PRKG2: variants seen among roughly 807,000 people sequenced by gnomAD.
PRKG2 encodes the protein cGMP-dependent protein kinase 2.
Under a neutral mutation model 97.2 loss-of-function variants are expected in PRKG2, and 33 were observed. The ratio of observed to expected loss-of-function variants is 0.34; its 90% CI spans 0.26 to 0.45. The LOEUF is 0.45. Ranked by LOEUF, PRKG2 falls within the 20% of genes least tolerant of loss-of-function variation. The probability of loss-of-function intolerance (pLI) is 1.00; values close to 1 mark genes in which losing one functional copy is unlikely to be tolerated. For synonymous variants in PRKG2, 330 were observed against 321.8 expected, an observed-to-expected ratio of 1.03 and a Z score of -0.27; for missense variants, 638 against 900.0, an observed-to-expected ratio of 0.71 and a Z score of 3.73.
chr4:81,192,469 T>A (rs537827044), intron 2 of PRKG2, among the ~76,000 whole-genome samples: 1 of 152,234 alleles, frequency 6.6e-6, no homozygotes, highest in East Asian at 1.9e-4. Flanking sequence ...AATCAGAAAA[T>A]CTTAGGTTGA....
At chr4:81,209,401 T>C (rs1327833396) in intron 1 of PRKG2, among the ~76,000 whole-genome samples, 1 of 152,118 alleles carries the variant, frequency 6.6e-6, no homozygotes, top group Non-Finnish European at 1.5e-5. Flanking sequence ...TATAGATGTG[T>C]GTGTATAGCT....
chr4:81,141,478 T>G (rs979709777), intron 11 of PRKG2, among the ~76,000 whole-genome samples: 6 of 152,200 alleles, frequency 3.9e-5, no homozygotes, highest in African/African-American at 1.2e-4. Context: ...AGCACAGATA[T>G]AAGACATTTC....
chr4:81,186,357 T>A (rs1019411843), intron 2 of PRKG2, among the ~76,000 whole-genome samples: 1 of 152,188 alleles, frequency 6.6e-6, no homozygotes, highest in African/African-American at 2.4e-5. Context: ...CTGAACAACC[T>A]GCTCCTGAAT....
chr4:81,174,686 T>C, intron 3 of PRKG2, 107 bp downstream of exon 3: 1 of 1,152,740 alleles, frequency 8.7e-7, no homozygotes, highest in Non-Finnish European at 1.2e-6. Context: ...CAATATGTTA[T>C]GTTTTCTACA....
intron 12 of PRKG2, 138 bp from the exon 13 acceptor site, chr4:81,137,620 T>G: frequency 1.5e-6 from 1 of 649,504 alleles, no homozygotes; most frequent in East Asian, 2.8e-5. Flanking sequence ...TACACTGGGC[T>G]TCTCGCCAAA....
At chr4:81,207,133 A>G (rs1239843371) in intron 1 of PRKG2, among the ~76,000 whole-genome samples, 2 of 152,216 alleles carry the variant, frequency 1.3e-5, no homozygotes, top group African/African-American at 2.4e-5. Context: ...ACCTTGAATA[A>G]GCAATTCAGA....
intron 2 of PRKG2, among the ~76,000 whole-genome samples, chr4:81,197,778 G>GA (rs201350802): frequency 5.4e-5 from 8 of 147,934 alleles, no homozygotes; most frequent in Non-Finnish European, 9.0e-5. Context: ...AAGAATTAGT[G>GA]AAAAAAAAAT....
intron 11 of PRKG2, 120 bp downstream of exon 11, chr4:81,142,674 T>C (rs566092951): frequency 2.4e-6 from 3 of 1,255,522 alleles, no homozygotes; most frequent in South Asian, 4.2e-5. Context: ...TCAATTTCAG[T>C]TCAAAGCAAC....
At chr4:81,113,374 T>C (rs1027649523) in intron 14 of PRKG2, among the ~76,000 whole-genome samples, 3 of 151,828 alleles carry the variant, frequency 2.0e-5, no homozygotes, top group African/African-American at 7.3e-5. Flanking sequence ...CCCCCCCTTT[T>C]TTTTCAAATT....
upstream of PRKG2, among the ~76,000 whole-genome samples, chr4:81,216,022 C>T (rs1754258417): frequency 6.6e-6 from 1 of 151,968 alleles, no homozygotes; most frequent in African/African-American, 2.4e-5. Flanking sequence ...GGAATTTCAC[C>T]AGCAAATTCA....
rs143805696 is a variant in PRKG2, at chr4:81,207,621, A to T, written c.-13-2561T>A. Among the ~76,000 whole-genome samples, 258 of 152,302 alleles carry T rather than the reference A, an allele frequency of 1.7e-3. 1 individual carries two copies. The highest frequency in any genetic ancestry group is 6.8e-3 in the Middle Eastern group (2 of 294). On this transcript the variant is annotated intron_variant, in intron 1 of 18. Transcript: ENST00000264399. ...CAATCCAATAATTTTACAAACTTGA[A>T]GCACAGTTAGGTAGAGGATGTTAAA...
At chr4:81,210,478 T>A (rs569248636) in intron 1 of PRKG2, among the ~76,000 whole-genome samples, 2 of 152,198 alleles carry the variant, frequency 1.3e-5, no homozygotes, top group African/African-American at 4.8e-5. Context: ...CATTAGGGAA[T>A]CTCAAATTTA....
intron 9 of PRKG2, among the ~76,000 whole-genome samples, chr4:81,144,779 C>T (rs1464308438): frequency 7.8e-6 from 1 of 128,818 alleles, no homozygotes; most frequent in African/African-American, 2.9e-5. Flanking sequence ...CATGACAGGC[C>T]CCGGTGTGTC....
At chr4:81,200,708 G>T (rs1354708469) in intron 2 of PRKG2, among the ~76,000 whole-genome samples, 3 of 152,052 alleles carry the variant, frequency 2.0e-5, no homozygotes, top group African/African-American at 7.2e-5. Flanking sequence ...TAGTAAGGGG[G>T]GTAGCATCAA....
At chr4:81,166,106 A>G (rs1336256966) in intron 6 of PRKG2, among the ~76,000 whole-genome samples, 1 of 152,150 alleles carries the variant, frequency 6.6e-6, no homozygotes, top group African/African-American at 2.4e-5. Context: ...CTGGGGCCAC[A>G]CGGCCAGGCA....
In PRKG2 at chr4:81,174,938, A is replaced by G; in HGVS notation, c.483T>C (p.Asp161=). 1.2e-6 allele frequency: 2 copies of G among 1,611,162 alleles called. No individual in the cohort carries two copies. Among genetic ancestry groups the G allele is most frequent in the Non-Finnish European group, 1.7e-6 (2 of 1,178,152 alleles). ...TCAGAAACTGATTTTTATTAAGGGCATCTGTAATGAGCTTCTTCTCACTGG... is the reference window on the plus strand; with the variant it reads ...TCAGAAACTGATTTTTATTAAGGGCGTCTGTAATGAGCTTCTTCTCACTGG... ...KDSSEKKLIT[D]ALNKNQFLKR... The change falls in exon 3 of 19, where the codon GAT becomes GAC. Residue 161 remains aspartate, a synonymous_variant. Coordinates refer to ENST00000264399, the MANE Select transcript of PRKG2 (RefSeq NM_006259.3).
intron 17 of PRKG2, among the ~76,000 whole-genome samples, chr4:81,094,945 TAG>T (rs1392074704): frequency 1.3e-5 from 2 of 152,156 alleles, no homozygotes; most frequent in Admixed American, 1.3e-4. Context: ...CTGGCTGCTT[TAG>T]AGATAAAGAA....
At position 81,189,066 on chromosome 4, in the gene PRKG2, T is replaced by TAAAAAAAAAAAAAAAAAA; in HGVS notation, c.462-14125_462-14108dup. 9.4e-4 allele frequency among the ~76,000 whole-genome samples: 16 copies of TAAAAAAAAAAAAAAAAAA among 17,056 alleles called. 2 individuals are homozygous for TAAAAAAAAAAAAAAAAAA. Among genetic ancestry groups the TAAAAAAAAAAAAAAAAAA allele is most frequent in the Admixed American group, 1.2e-3 (1 of 846 alleles). 11.2% of individuals were successfully genotyped at this position (17,056 alleles called of 152,430 possible). On this transcript the variant is annotated intron_variant, in intron 2 of 18. Transcript: ENST00000264399. ...AAAAAAAAAAGATTAAAAAAAATAA[T>TAAAAAAAAAAAAAAAAAA]AAAAAAAAAAAAAAAAAAAAAAAAA...
chr4:81,200,666 A>C (rs1296405819), intron 2 of PRKG2, among the ~76,000 whole-genome samples: 1 of 152,180 alleles, frequency 6.6e-6, no homozygotes, highest in Non-Finnish European at 1.5e-5. Flanking sequence ...GGTATATTCC[A>C]TAACTCCCCA....
Sources: allele counts gnomAD v4.1 joint callset (sites outside exome capture counted in the v4.1 genomes callset), GRCh38; gene constraint gnomAD v4.1.1; transcripts MANE v1.5; gene names NCBI Gene and HGNC (gene_info 2026-07-23, HGNC 2026-07-21).